The following GRIK3 variants were observed in gnomAD, a reference collection of about 807,000 sequenced individuals.
The protein encoded by GRIK3 is glutamate ionotropic receptor kainate type subunit 3.
Under a neutral mutation model 102.5 loss-of-function variants are expected in GRIK3, and 29 were observed. That is an observed-to-expected ratio of 0.28 (90% CI 0.21 to 0.39). GRIK3 has a LOEUF of 0.39. Among genes scored for constraint, GRIK3 ranks in the 10% least tolerant of loss-of-function variants. GRIK3 has a pLI of 1.00. For synonymous variants in GRIK3, 511 were observed against 504.9 expected (o/e 1.01, Z -0.16); for missense variants, 908 against 1,252.4 (o/e 0.73, Z 4.15).
intron 1 of GRIK3, among the ~76,000 whole-genome samples, chr1:36,967,889 T>C (rs1044060925): frequency 6.6e-6 from 1 of 152,228 alleles, no homozygotes; most frequent in Non-Finnish European, 1.5e-5. Context: ...CAATAAATGA[T>C]AGCAATAATG....
intron 1 of GRIK3, among the ~76,000 whole-genome samples, chr1:36,951,458 G>T (rs182374657): frequency 3.3e-4 from 50 of 152,330 alleles, no homozygotes; most frequent in African/African-American, 1.1e-3. Flanking sequence ...CACTTGGGGG[G>T]TGGCCACGTG....
chr1:37,003,527 G>T (rs1350377785), intron 1 of GRIK3, among the ~76,000 whole-genome samples: 1 of 152,148 alleles, frequency 6.6e-6, no homozygotes, highest in Non-Finnish European at 1.5e-5. Context: ...GGTGGTGGGG[G>T]TCTGTCTGGC....
intron 4 of GRIK3, among the ~76,000 whole-genome samples, chr1:36,871,931 T>C (rs1640847891): frequency 6.6e-6 from 1 of 152,102 alleles, no homozygotes; most frequent in African/African-American, 2.4e-5. Context: ...TACTCAGCAC[T>C]CTCCCTGTGT....
intron 5 of GRIK3, among the ~76,000 whole-genome samples, chr1:36,862,820 C>T (rs1252701392): frequency 6.6e-6 from 1 of 152,132 alleles, no homozygotes; most frequent in Non-Finnish European, 1.5e-5. Flanking sequence ...TGTAGATGCC[C>T]TTAGAACATG....
At chr1:36,953,700 G>A (rs1005221252) in intron 1 of GRIK3, among the ~76,000 whole-genome samples, 2 of 152,004 alleles carry the variant, frequency 1.3e-5, no homozygotes, top group Non-Finnish European at 2.9e-5. Context: ...TCCAGCTCAC[G>A]GAAGTGGCAC....
At chr1:36,937,606 A>T (rs1246901238) in intron 1 of GRIK3, among the ~76,000 whole-genome samples, 1 of 152,182 alleles carries the variant, frequency 6.6e-6, no homozygotes, top group Non-Finnish European at 1.5e-5. Context: ...GGCAGGGAGC[A>T]GCGGTGGAGC....
At chr1:36,828,348 G>A (rs924158937) in intron 10 of GRIK3, among the ~76,000 whole-genome samples, 4 of 152,184 alleles carry the variant, frequency 2.6e-5, no homozygotes, top group Admixed American at 2.6e-4. Context: ...GTCATGTGCT[G>A]CCTAACTCTC....
intron 7 of GRIK3, 24 bp downstream of exon 7, chr1:36,859,084 T>TC: frequency 6.3e-7 from 1 of 1,577,712 alleles, no homozygotes; most frequent in Non-Finnish European, 8.7e-7. Flanking sequence ...GAGACAACAC[T>TC]GGTGGGGGCT....
intron 10 of GRIK3, among the ~76,000 whole-genome samples, chr1:36,833,358 G>A (rs1347179564): frequency 6.6e-6 from 1 of 152,158 alleles, no homozygotes; most frequent in African/African-American, 2.4e-5. Flanking sequence ...CCTGTCAGTG[G>A]ACCCTAGCAC....
At chr1:36,843,513 A>G (rs77969311) in intron 9 of GRIK3, among the ~76,000 whole-genome samples, 1,835 of 152,282 alleles carry the variant, frequency 0.012, 37 homozygotes, top group African/African-American at 0.038. Flanking sequence ...AACTACAGTG[A>G]TGGGATCCAG....
intron 5 of GRIK3, among the ~76,000 whole-genome samples, chr1:36,869,287 C>T (rs1187385621): frequency 6.6e-6 from 1 of 152,124 alleles, no homozygotes; most frequent in East Asian, 1.9e-4. Flanking sequence ...CGACAATTCC[C>T]GTGAGGCCCG....
At chr1:36,958,518 C>T (rs1641954196) in intron 1 of GRIK3, among the ~76,000 whole-genome samples, 1 of 147,430 alleles carries the variant, frequency 6.8e-6, no homozygotes, top group Admixed American at 6.7e-5. Flanking sequence ...GTCTGTGCCC[C>T]ATAAGCCTGT....
chr1:36,897,894 A>T (rs939473790), intron 1 of GRIK3, among the ~76,000 whole-genome samples: 2 of 152,208 alleles, frequency 1.3e-5, no homozygotes, highest in African/African-American at 2.4e-5. Flanking sequence ...AGCAACCTAC[A>T]TGTCCATCAA....
intron 1 of GRIK3, among the ~76,000 whole-genome samples, chr1:36,926,871 T>C (rs1222183769): frequency 6.6e-6 from 1 of 152,118 alleles, no homozygotes; most frequent in Non-Finnish European, 1.5e-5. Flanking sequence ...AGTAAGTGAG[T>C]CTGTAGAGTT....
At chr1:36,840,551 C>CAAAAA (rs11442581) in intron 10 of GRIK3, among the ~76,000 whole-genome samples, 1 of 73,312 alleles carries the variant, frequency 1.4e-5, no homozygotes, top group African/African-American at 5.4e-5. Context: ...TGCTCTCCAC[C>CAAAAA]AAAAAAAAAA....
chr1:36,885,265 G>C (rs1487437164), intron 2 of GRIK3, among the ~76,000 whole-genome samples: 1 of 152,186 alleles, frequency 6.6e-6, no homozygotes, highest in Non-Finnish European at 1.5e-5. Flanking sequence ...ATTGATGAGA[G>C]AGGAGGTGAT....
intron 1 of GRIK3, among the ~76,000 whole-genome samples, chr1:36,950,647 T>C (rs1387577941): frequency 6.6e-6 from 1 of 152,230 alleles, no homozygotes; most frequent in African/African-American, 2.4e-5. Context: ...TGTGGCCCAA[T>C]TGGTACCCAC....
intron 1 of GRIK3, among the ~76,000 whole-genome samples, chr1:37,012,300 G>A (rs528625080): frequency 2.6e-4 from 39 of 152,320 alleles, no homozygotes; most frequent in Non-Finnish European, 4.0e-4. Context: ...CGACAAGCAG[G>A]GCCAGGCAGG....
intron 1 of GRIK3, among the ~76,000 whole-genome samples, chr1:36,990,343 T>C (rs1220109293): frequency 6.6e-6 from 1 of 152,192 alleles, no homozygotes. Context: ...CTACCACTCC[T>C]GGGCCGCCAT....
Sources: gnomAD v4.1 joint callset for allele counts (sites outside exome capture counted in the v4.1 genomes callset) on GRCh38, gnomAD v4.1.1 for gene constraint, MANE v1.5 for transcripts, NCBI Gene and HGNC (gene_info 2026-07-23, HGNC 2026-07-21) for gene names.